The following MCF2L2 variants were observed in gnomAD, a reference collection of about 807,000 sequenced individuals.
MCF2L2 encodes the protein MCF.2 cell line derived transforming sequence-like 2.
Under a neutral mutation model 150.2 loss-of-function variants are expected in MCF2L2, and 102 were observed. That is an observed-to-expected ratio of 0.68 (90% CI 0.58 to 0.80). The LOEUF (loss-of-function observed/expected upper bound fraction) is 0.80, where lower values mean the gene tolerates loss of function less well. Ranked by LOEUF, MCF2L2 falls within the 30% of genes least tolerant of loss-of-function variation. The probability of loss-of-function intolerance (pLI) is 0.00; values close to 1 mark genes in which losing one functional copy is unlikely to be tolerated. For synonymous variants in MCF2L2, 465 were observed against 491.3 expected, an observed-to-expected ratio of 0.95 and a Z score of 0.71; for missense variants, 1,256 against 1,372.8, an observed-to-expected ratio of 0.91 and a Z score of 1.34.
chr3:183,335,945 C>T (rs1730461718), intron 5 of MCF2L2, among the ~76,000 whole-genome samples: 1 of 152,118 alleles, frequency 6.6e-6, no homozygotes, highest in Non-Finnish European at 1.5e-5. Flanking sequence ...CATGTGAGGC[C>T]AAAGCGTTCG....
chr3:183,204,877 A>T (rs1722416353), intron 25 of MCF2L2, among the ~76,000 whole-genome samples: 1 of 152,186 alleles, frequency 6.6e-6, no homozygotes, highest in Non-Finnish European at 1.5e-5. Flanking sequence ...TTAAAAAAAT[A>T]CGCAAAGTGA....
intron 27 of MCF2L2, among the ~76,000 whole-genome samples, chr3:183,184,166 T>C (rs533129029): frequency 6.6e-6 from 1 of 152,252 alleles, no homozygotes; most frequent in East Asian, 1.9e-4. Context: ...TACAGGCACA[T>C]GCCACTATGC....
intron 22 of MCF2L2, among the ~76,000 whole-genome samples, chr3:183,211,968 T>C (rs753510997): frequency 5.9e-5 from 9 of 152,154 alleles, no homozygotes; most frequent in Admixed American, 2.6e-4. Context: ...TTGGTTAAGA[T>C]GGGGTTGCCC....
chr3:183,370,044 A>G (rs1712772387), intron 3 of MCF2L2, among the ~76,000 whole-genome samples: 2 of 152,220 alleles, frequency 1.3e-5, no homozygotes, highest in Admixed American at 1.3e-4. Flanking sequence ...TATCATCTTT[A>G]TAATTGATCA....
intron 10 of MCF2L2, among the ~76,000 whole-genome samples, chr3:183,309,444 C>T (rs1213967867): frequency 2.6e-5 from 4 of 152,092 alleles, no homozygotes; most frequent in African/African-American, 9.7e-5. Flanking sequence ...CTGCTGACCA[C>T]GTGAGAGGGC....
At chr3:183,419,576 T>A (rs1433944709) in intron 1 of MCF2L2, among the ~76,000 whole-genome samples, 2 of 152,180 alleles carry the variant, frequency 1.3e-5, no homozygotes, top group African/African-American at 4.8e-5. Context: ...GAATAAGTCT[T>A]GAATACTTTG....
At chr3:183,235,445 C>T (rs1723781110) in intron 15 of MCF2L2, among the ~76,000 whole-genome samples, 3 of 82,204 alleles carry the variant, frequency 3.6e-5, no homozygotes, top group African/African-American at 2.0e-4. Context: ...TCTCTGATGG[C>T]CAGTGATGAT....
chr3:183,351,088 T>C (rs1430337844), intron 3 of MCF2L2, among the ~76,000 whole-genome samples: 1 of 150,402 alleles, frequency 6.6e-6, no homozygotes, highest in Non-Finnish European at 1.5e-5. Flanking sequence ...ATTCTGAAAA[T>C]CACTAAATAT....
At chr3:183,263,549 G>A (rs908872452) in intron 15 of MCF2L2, among the ~76,000 whole-genome samples, 4 of 151,784 alleles carry the variant, frequency 2.6e-5, no homozygotes, top group African/African-American at 4.8e-5. Flanking sequence ...CTCCTTCTCC[G>A]GAGTTTATTT....
At chr3:183,247,644 C>A (rs1481310787) in intron 15 of MCF2L2, among the ~76,000 whole-genome samples, 4 of 152,014 alleles carry the variant, frequency 2.6e-5, no homozygotes, top group African/African-American at 7.3e-5. Context: ...ATTCAACTCA[C>A]CTCATATTGA....
At chr3:183,334,118 G>A (rs529095952) in intron 5 of MCF2L2, among the ~76,000 whole-genome samples, 2 of 152,228 alleles carry the variant, frequency 1.3e-5, no homozygotes, top group East Asian at 1.9e-4. Context: ...AATCCAAAAC[G>A]ATAATAGACA....
chr3:183,258,965 G>C (rs1464356672), intron 15 of MCF2L2, among the ~76,000 whole-genome samples: 1 of 152,048 alleles, frequency 6.6e-6, no homozygotes, highest in African/African-American at 2.4e-5. Context: ...ATTGTTACAC[G>C]GTATTGTTTA....
In MCF2L2 at chr3:183,353,585, T is replaced by C. The variant is rs188863742; in HGVS notation, c.276-11955A>G. On this transcript the variant is annotated intron_variant, in intron 3 of 29. Coordinates refer to ENST00000328913, the MANE Select transcript of MCF2L2 (RefSeq NM_015078.4). ...CGGGGCAGGCACGTCTTATCGTGCCTGGAGCAGGAGGAAGAGAGTGAGGGA... is the reference window on the plus strand; with the variant it reads ...CGGGGCAGGCACGTCTTATCGTGCCCGGAGCAGGAGGAAGAGAGTGAGGGA... Among the ~76,000 whole-genome samples, 343 of 152,292 alleles carry C rather than the reference T, an allele frequency of 2.3e-3. 1 individual carries two copies. Among genetic ancestry groups the C allele is most frequent in the African/African-American group, 7.8e-3 (323 of 41,558 alleles).
At chr3:183,242,401 GT>G (rs1724067316) in intron 15 of MCF2L2, among the ~76,000 whole-genome samples, 1 of 152,216 alleles carries the variant, frequency 6.6e-6, no homozygotes, top group East Asian at 1.9e-4. Context: ...AAGTGGTTTT[GT>G]GGGCCCAGCC....
chr3:183,200,571 G>A (rs936704790), intron 25 of MCF2L2, among the ~76,000 whole-genome samples: 3 of 152,156 alleles, frequency 2.0e-5, no homozygotes, highest in African/African-American at 4.8e-5. Flanking sequence ...CATTCTGTAA[G>A]TTGCCTGTTC....
chr3:183,249,405 G>A (rs753304964), intron 15 of MCF2L2, among the ~76,000 whole-genome samples: 26 of 152,186 alleles, frequency 1.7e-4, no homozygotes, highest in Non-Finnish European at 3.1e-4. Context: ...CTGCCCCTCC[G>A]AAACTGTCCC....
chr3:183,315,657 T>C (rs1027595492), intron 7 of MCF2L2, among the ~76,000 whole-genome samples: 1 of 152,196 alleles, frequency 6.6e-6, no homozygotes, highest in Non-Finnish European at 1.5e-5. Context: ...CTGGTTAGCA[T>C]GCATAAGGAA....
chr3:183,258,842 C>T (rs1392291817), intron 15 of MCF2L2, among the ~76,000 whole-genome samples: 2 of 152,074 alleles, frequency 1.3e-5, no homozygotes, highest in African/African-American at 4.8e-5. Context: ...CTCCTGCCTC[C>T]GCCTCCCAAG....
chr3:183,310,715 A>T, intron 9 of MCF2L2, 200 bp downstream of exon 9: 1 of 565,472 alleles, frequency 1.8e-6, no homozygotes, highest in South Asian at 2.2e-5. Flanking sequence ...ATCAACAGGT[A>T]AATGGGATTC....
Sources: allele counts gnomAD v4.1 joint callset (sites outside exome capture counted in the v4.1 genomes callset), GRCh38; gene constraint gnomAD v4.1.1; transcripts MANE v1.5; gene names NCBI Gene and HGNC (gene_info 2026-07-23, HGNC 2026-07-21).